Variants in RBFOX1 observed in about 807,000 individuals in gnomAD.
RBFOX1 encodes the protein RNA binding fox-1 homolog 1.
A neutral mutation model predicts 57.7 loss-of-function variants in RBFOX1; 8 were observed. That is an observed-to-expected ratio of 0.14 (90% CI 0.08 to 0.25). The LOEUF (loss-of-function observed/expected upper bound fraction) is 0.25. Ranked by LOEUF, RBFOX1 falls within the 10% of genes least tolerant of loss-of-function variation. The pLI is 1.00. For synonymous variants in RBFOX1, 326 were observed against 222.4 expected, an observed-to-expected ratio of 1.47 and a Z score of -4.15; for missense variants, 611 against 548.5, an observed-to-expected ratio of 1.11 and a Z score of -1.14.
intron 12 of RBFOX1, chr16:7,664,692 C>T (rs2068714338): frequency 1.6e-6 from 1 of 617,972 alleles, no homozygotes; most frequent in Non-Finnish European, 2.7e-6. Context: ...AAGTTTGGGA[C>T]CTAGCACACC....
chr16:6,516,465 G>T (rs776178980), intron 2 of RBFOX1, among the ~76,000 whole-genome samples: 9 of 152,130 alleles, frequency 5.9e-5, no homozygotes, highest in Non-Finnish European at 1.3e-4. Flanking sequence ...AGCCCCTGTT[G>T]TTAAGATTAT....
At chr16:6,977,129 TATG>T (rs2087190927) in intron 3 of RBFOX1, among the ~76,000 whole-genome samples, 1 of 138,082 alleles carries the variant, frequency 7.2e-6, no homozygotes. Context: ...TTATCATATA[TATG>T]ATATATATTA....
intron 1 of RBFOX1, among the ~76,000 whole-genome samples, chr16:6,259,637 C>T (rs1327601364): frequency 2.0e-5 from 3 of 151,954 alleles, no homozygotes; most frequent in Non-Finnish European, 4.4e-5. Flanking sequence ...AAAATATCTG[C>T]GATCATGTAC....
rs1357694273 is a variant in RBFOX1 at position 6,727,561 on chromosome 16, A to C, written c.-16+72911A>C. Among the ~76,000 whole-genome samples the C allele has an allele frequency of 2.0e-5, 3 of 152,270 alleles. No individual in the cohort carries two copies. In the East Asian group the frequency reaches 5.8e-4, roughly 29 times the overall value. ...TTAATGAGGGGAGAGGGAACCGTAC[A>C]AACAGCTCTTGGGGCCTATGCTTGA... On this transcript the variant is annotated intron_variant, in intron 3 of 15. Transcript: ENST00000550418.
chr16:5,540,986 A>G (rs781215538), intron 2 of RBFOX1, among the ~76,000 whole-genome samples: 38 of 151,996 alleles, frequency 2.5e-4, no homozygotes, highest in Non-Finnish European at 4.7e-4. Context: ...AGTAGCTGGG[A>G]CTACAAACAT....
At chr16:7,298,696 T>A (rs568904329) in intron 4 of RBFOX1, among the ~76,000 whole-genome samples, 2 of 152,376 alleles carry the variant, frequency 1.3e-5, no homozygotes, top group South Asian at 4.1e-4. Context: ...ACATGCATTA[T>A]ATATGTATTC....
chr16:6,418,982 G>A (rs2093701786), intron 2 of RBFOX1, among the ~76,000 whole-genome samples: 1 of 152,142 alleles, frequency 6.6e-6, no homozygotes, highest in Non-Finnish European at 1.5e-5. Context: ...GTATGGGCTT[G>A]GAAACTTTTC....
chr16:7,471,385 T>G (rs560181622), intron 4 of RBFOX1, among the ~76,000 whole-genome samples: 1 of 152,194 alleles, frequency 6.6e-6, no homozygotes, highest in South Asian at 2.1e-4. Flanking sequence ...CATACACTTA[T>G]ACATTTTGGT....
At chr16:5,843,023 T>G (rs764241688) in intron 3 of RBFOX1, among the ~76,000 whole-genome samples, 7 of 152,214 alleles carry the variant, frequency 4.6e-5, no homozygotes, top group South Asian at 2.1e-4. Flanking sequence ...GAGACGGGGT[T>G]TCACCATGTT....
intron 3 of RBFOX1, among the ~76,000 whole-genome samples, chr16:6,814,068 A>C (rs2089463851): frequency 6.6e-6 from 1 of 152,216 alleles, no homozygotes; most frequent in Non-Finnish European, 1.5e-5. Context: ...AGTGAAAAGC[A>C]GATGTATAAT....
At chr16:7,482,735 G>A (rs551213147) in intron 4 of RBFOX1, among the ~76,000 whole-genome samples, 1 of 151,728 alleles carries the variant, frequency 6.6e-6, no homozygotes, top group South Asian at 2.1e-4. Flanking sequence ...TTCCTTCCTG[G>A]GCGTATTTGC....
At chr16:6,643,301 G>C (rs1481007371) in intron 2 of RBFOX1, among the ~76,000 whole-genome samples, 1 of 152,180 alleles carries the variant, frequency 6.6e-6, no homozygotes. Context: ...GATATTGCAG[G>C]TGCTGAGCTA....
intron 1 of RBFOX1, among the ~76,000 whole-genome samples, chr16:6,255,961 G>T (rs2152604339): frequency 6.6e-6 from 1 of 151,136 alleles, no homozygotes; most frequent in East Asian, 2.0e-4. Context: ...AAACCTAGAT[G>T]ACACGTTGAT....
chr16:5,708,738 C>T (rs948685583), intron 3 of RBFOX1, among the ~76,000 whole-genome samples: 2 of 152,158 alleles, frequency 1.3e-5, no homozygotes, highest in African/African-American at 4.8e-5. Flanking sequence ...AATAAAAATC[C>T]ATCTTGGGGA....
rs71145274 is a variant in RBFOX1 at position 6,679,878 on chromosome 16, GT to G, written c.-16+25255del. Among the ~76,000 whole-genome samples, 728 of 114,206 alleles carry G rather than the reference GT, an allele frequency of 6.4e-3. 7 individuals are homozygous for G. Among genetic ancestry groups the G allele is most frequent in the African/African-American group, 0.026 (676 of 25,648 alleles). The allele number at this position is 114,206 out of a possible 152,430, so 74.9% of individuals were successfully genotyped here. ...CTACATAAAGCCATAGTTTCTACTTGTTTTTTTTTTTTTTTTTTTTTTTTTT... is the reference window on the plus strand; with the variant it reads ...CTACATAAAGCCATAGTTTCTACTTGTTTTTTTTTTTTTTTTTTTTTTTTT... On this transcript the variant is annotated intron_variant, in intron 3 of 15. Coordinates refer to ENST00000550418, the MANE Select transcript of RBFOX1 (RefSeq NM_018723.4).
intron 4 of RBFOX1, among the ~76,000 whole-genome samples, chr16:7,319,203 C>T (rs962076287): frequency 6.6e-6 from 1 of 152,022 alleles, no homozygotes; most frequent in African/African-American, 2.4e-5. Context: ...AGGTCTGTGC[C>T]GTAATCCTAA....
intron 2 of RBFOX1, among the ~76,000 whole-genome samples, chr16:6,593,694 G>T (rs1395287552): frequency 1.3e-5 from 2 of 152,162 alleles, no homozygotes; most frequent in African/African-American, 2.4e-5. Flanking sequence ...TTGTTTGAAG[G>T]AAGTAAGATT....
intron 2 of RBFOX1, among the ~76,000 whole-genome samples, chr16:6,361,685 C>G (rs772512927): frequency 6.6e-6 from 1 of 151,490 alleles, no homozygotes; most frequent in African/African-American, 2.4e-5. Context: ...ATTAGTGTTA[C>G]CTGGAGAGCT....
Position 7,686,793 on chromosome 16 carries a change from C to A in RBFOX1, c.995+9955C>A, listed in dbSNP as rs144914648. Among the ~76,000 whole-genome samples the A allele has an allele frequency of 3.1e-3, 468 of 152,172 alleles. 2 individuals carry two copies. Among genetic ancestry groups the A allele is most frequent in the African/African-American group, 0.011 (456 of 41,536 alleles). ...CAGATTCACGGTTGGTTCTCTTTCA[C>A]CTGAGCCTAGACAAGAAGTGCAGTG... On this transcript the variant is annotated intron_variant, in intron 14 of 15. Coordinates refer to ENST00000550418, the MANE Select transcript of RBFOX1 (RefSeq NM_018723.4).
Sources: gnomAD v4.1 joint callset for allele counts (sites outside exome capture counted in the v4.1 genomes callset) on GRCh38, gnomAD v4.1.1 for gene constraint, MANE v1.5 for transcripts, NCBI Gene and HGNC (gene_info 2026-07-23, HGNC 2026-07-21) for gene names.